The following MTMR7 variants were observed in gnomAD, a reference collection of about 807,000 sequenced individuals.
The protein encoded by MTMR7 is myotubularin related protein 7.
Under a neutral mutation model 81.2 loss-of-function variants are expected in MTMR7, and 76 were observed. The observed-to-expected ratio is 0.94, with a 90% CI of 0.78 to 1.13. The LOEUF is 1.13. MTMR7 is among the 50% of genes most tolerant of loss of function. The pLI, the probability that MTMR7 is intolerant of heterozygous loss-of-function variation, is 0.00. For synonymous variants in MTMR7, 372 were observed against 289.8 expected, an observed-to-expected ratio of 1.28 and a Z score of -2.88; for missense variants, 1,044 against 820.0, an observed-to-expected ratio of 1.27 and a Z score of -3.34.
At chr8:17,335,455 C>G (rs578220907) in intron 6 of MTMR7, among the ~76,000 whole-genome samples, 1 of 152,324 alleles carries the variant, frequency 6.6e-6, no homozygotes, top group South Asian at 2.1e-4. Flanking sequence ...ATCTTGGTAT[C>G]AGGTTAAAGG....
intron 1 of MTMR7, among the ~76,000 whole-genome samples, chr8:17,410,765 A>G (rs1821715616): frequency 6.6e-6 from 1 of 152,250 alleles, no homozygotes; most frequent in African/African-American, 2.4e-5. Context: ...AGCAGAACAC[A>G]GAGGCTGTCA....
intron 1 of MTMR7, among the ~76,000 whole-genome samples, chr8:17,399,145 G>GA (rs1270561709): frequency 2.3e-4 from 33 of 145,278 alleles, no homozygotes; most frequent in South Asian, 4.3e-4. Context: ...TCAGACAAGA[G>GA]AAAAAAAAAA....
chr8:17,379,572 C>A (rs1222112165), intron 1 of MTMR7, among the ~76,000 whole-genome samples: 1 of 152,160 alleles, frequency 6.6e-6, no homozygotes, highest in African/African-American at 2.4e-5. Context: ...GCTTGTATTG[C>A]TTCTCCAATC....
intron 7 of MTMR7, among the ~76,000 whole-genome samples, chr8:17,319,605 T>C (rs1003301063): frequency 6.6e-6 from 1 of 152,228 alleles, no homozygotes; most frequent in Non-Finnish European, 1.5e-5. Context: ...CCAGACACTA[T>C]GCTTTATATA....
chr8:17,303,378 A>T (rs1260114807), intron 12 of MTMR7, among the ~76,000 whole-genome samples: 1 of 152,184 alleles, frequency 6.6e-6, no homozygotes, highest in Non-Finnish European at 1.5e-5. Flanking sequence ...TTGAGAAACG[A>T]AATCTATACA....
intron 7 of MTMR7, 39 bp from the exon 8 acceptor site, chr8:17,313,440 A>G (rs1042846097): frequency 1.5e-6 from 2 of 1,308,176 alleles, no homozygotes; most frequent in African/African-American, 1.5e-5. Flanking sequence ...AAATTAAGGT[A>G]CTCTCTCATT....
At chr8:17,368,363 T>C (rs568804437) in intron 3 of MTMR7, among the ~76,000 whole-genome samples, 17 of 152,302 alleles carry the variant, frequency 1.1e-4, no homozygotes, top group Non-Finnish European at 5.9e-5. Context: ...TACAGTTAGC[T>C]GGGTGTCCAT....
chr8:17,323,832 G>A (rs552825046), intron 7 of MTMR7, among the ~76,000 whole-genome samples: 1 of 152,084 alleles, frequency 6.6e-6, no homozygotes, highest in African/African-American at 2.4e-5. Context: ...GAGTTTGATG[G>A]GCTACACTTT....
At chr8:17,385,012 G>A (rs1183208165) in intron 1 of MTMR7, among the ~76,000 whole-genome samples, 1 of 152,176 alleles carries the variant, frequency 6.6e-6, no homozygotes, top group Non-Finnish European at 1.5e-5. Flanking sequence ...AAAAAATGCT[G>A]GTGGGATGCA....
intron 1 of MTMR7, among the ~76,000 whole-genome samples, chr8:17,383,448 A>G (rs7823989): frequency 0.55 from 84,068 of 151,964 alleles, 23,604 homozygotes; most frequent in Admixed American, 0.65. Context: ...AGACATGAAG[A>G]GCATGAAAAA....
intron 5 of MTMR7, among the ~76,000 whole-genome samples, chr8:17,343,268 A>T (rs1819458240): frequency 6.6e-6 from 1 of 152,090 alleles, no homozygotes; most frequent in African/African-American, 2.4e-5. Context: ...CACTACTAAA[A>T]ATACAACAAA....
chr8:17,379,962 G>C (rs1016498797), intron 1 of MTMR7, among the ~76,000 whole-genome samples: 3 of 152,136 alleles, frequency 2.0e-5, no homozygotes, highest in African/African-American at 7.2e-5. Context: ...AACGCACTGA[G>C]GGTTTGGAGG....
At chr8:17,302,711 C>CCG (rs968884958) in intron 12 of MTMR7, among the ~76,000 whole-genome samples, 2 of 68,732 alleles carry the variant, frequency 2.9e-5, no homozygotes, top group Non-Finnish European at 4.5e-5. Context: ...TAACCCCCCC[C>CCG]CCCCCGCTTT....
intron 1 of MTMR7, among the ~76,000 whole-genome samples, chr8:17,381,379 C>T (rs1313361093): frequency 6.6e-6 from 1 of 152,144 alleles, no homozygotes; most frequent in Non-Finnish European, 1.5e-5. Flanking sequence ...TCATAAATCA[C>T]CGAGAGTCAG....
At chr8:17,405,867 CACACACACACA>C (rs1563383924) in intron 1 of MTMR7, among the ~76,000 whole-genome samples, 7 of 93,248 alleles carry the variant, frequency 7.5e-5, no homozygotes, top group African/African-American at 3.0e-4. Context: ...CACACACACA[CACACACACACA>C]CCACAGAGAA....
intron 12 of MTMR7, among the ~76,000 whole-genome samples, chr8:17,302,801 C>T (rs771700888): frequency 6.7e-6 from 1 of 148,802 alleles, no homozygotes; most frequent in Non-Finnish European, 1.5e-5. Context: ...CAACCTCCAC[C>T]TCCCGGGTTC....
chr8:17,299,471 T>C lies in MTMR7; in HGVS notation c.*391A>G. 1 of 175,060 alleles carries C rather than the reference T, an allele frequency of 5.7e-6. No individual in the cohort carries two copies. Among genetic ancestry groups the C allele is most frequent in the Admixed American group, 5.4e-5 (1 of 18,430 alleles). 10.8% of individuals were successfully genotyped at this position (175,060 alleles called of 1,614,324 possible). Reference sequence around the variant, plus strand: ...CTTTAGAAAACACAAAATATGCATCTAGAAGTGAACTAAAAGAATCATGAT... The same window carrying C: ...CTTTAGAAAACACAAAATATGCATCCAGAAGTGAACTAAAAGAATCATGAT... On this transcript the variant is annotated 3_prime_UTR_variant, in exon 14 of 14. Transcript: ENST00000180173.
At chr8:17,395,670 T>A (rs1821224720) in intron 1 of MTMR7, among the ~76,000 whole-genome samples, 1 of 152,256 alleles carries the variant, frequency 6.6e-6, no homozygotes, top group Non-Finnish European at 1.5e-5. Context: ...ATTTCCCTAA[T>A]GGCTGGTGAT....
intron 4 of MTMR7, among the ~76,000 whole-genome samples, chr8:17,355,387 G>C (rs566334961): frequency 6.6e-6 from 1 of 152,072 alleles, no homozygotes; most frequent in East Asian, 1.9e-4. Flanking sequence ...CAGTGTCATG[G>C]AAGTGTCCAT....
Sources: allele counts gnomAD v4.1 joint callset (sites outside exome capture counted in the v4.1 genomes callset), GRCh38; gene constraint gnomAD v4.1.1; transcripts MANE v1.5; gene names NCBI Gene and HGNC (gene_info 2026-07-23, HGNC 2026-07-21).